The following FERRY3 variants were observed in gnomAD, a reference collection of about 807,000 sequenced individuals.
FERRY3 encodes protein C12orf4.
At chr12:4,504,343 T>C in the FERRY3 span, among the ~76,000 whole-genome samples, 3 of 152,174 alleles carry the variant, frequency 2.0e-5, no homozygotes, top group African/African-American at 7.2e-5. Flanking sequence ...AAATGTACCA[T>C]TTAGTTAAAA....
At chr12:4,534,058 A>G in the FERRY3 span, 1 of 1,300,514 alleles carries the variant, frequency 7.7e-7, no homozygotes, top group South Asian at 1.5e-5. Flanking sequence ...TGTGGAGAAA[A>G]AGGATCTTAT....
chr12:4,529,753 T>C, the FERRY3 span: 1 of 848,628 alleles, frequency 1.2e-6, no homozygotes, highest in Non-Finnish European at 1.7e-6. Context: ...ATTTCTAATA[T>C]TGAAGTTTTT....
the FERRY3 span, chr12:4,489,727 G>T: frequency 2.0e-6 from 2 of 1,022,398 alleles, no homozygotes; most frequent in Non-Finnish European, 2.9e-6. Context: ...GGCATCTTTT[G>T]CTTGACAGAT....
At chr12:4,502,512 C>T in the FERRY3 span, 1 of 414,000 alleles carries the variant, frequency 2.4e-6, no homozygotes, top group Non-Finnish European at 4.7e-6. This position sits in a 1 kb window ranked among gnomAD's most constrained non-coding sequence, Gnocchi z 4.2. Context: ...AAATAGAAAA[C>T]ATAGAAAGGA....
At chr12:4,517,036 T>C in the FERRY3 span, 3 of 1,501,442 alleles carry the variant, frequency 2.0e-6, no homozygotes, top group South Asian at 4.4e-5. Flanking sequence ...ATAGACAGAA[T>C]ATAATAAAAG....
the FERRY3 span, among the ~76,000 whole-genome samples, chr12:4,519,564 C>T: frequency 1.3e-5 from 2 of 152,272 alleles, no homozygotes; most frequent in East Asian, 3.9e-4. The surrounding 1 kb of genome is among the most constrained non-coding windows in gnomAD (Gnocchi z 4.3). Flanking sequence ...ATTTTTGGGG[C>T]TAATCCCAAC....
At chr12:4,509,262 C>G in the FERRY3 span, 57 of 158,788 alleles carry the variant, frequency 3.6e-4, no homozygotes, top group South Asian at 9.3e-3. Context: ...CACGGAGTCT[C>G]GCTGATTGCT....
chr12:4,536,676 A>G, the FERRY3 span, among the ~76,000 whole-genome samples: 262 of 152,308 alleles, frequency 1.7e-3, 1 homozygote, highest in South Asian at 3.7e-3. Flanking sequence ...GAAGGGGAGT[A>G]AGAAAGTGTT....
chr12:4,497,964 G>A, the FERRY3 span, among the ~76,000 whole-genome samples: 1 of 152,204 alleles, frequency 6.6e-6, no homozygotes, highest in Middle Eastern at 3.2e-3. Flanking sequence ...ATCCTGTGTA[G>A]TGTTGTCTGA....
the FERRY3 span, chr12:4,517,088 G>A: frequency 2.0e-5 from 31 of 1,568,368 alleles, no homozygotes; most frequent in African/African-American, 2.5e-4. Flanking sequence ...TTACTCCTGC[G>A]CTGGGTTCTA....
chr12:4,532,689 T>C, the FERRY3 span, among the ~76,000 whole-genome samples: 4 of 152,296 alleles, frequency 2.6e-5, no homozygotes, highest in East Asian at 7.7e-4. Flanking sequence ...CATCAGGACC[T>C]CCACTTCATA....
chr12:4,518,914 G>A, the FERRY3 span: 684 of 1,379,840 alleles, frequency 5.0e-4, 4 homozygotes, highest in East Asian at 0.011. Context: ...ATACTTTTAT[G>A]TTTGTCAAAA....
the FERRY3 span, chr12:4,534,327 T>A: frequency 6.4e-7 from 1 of 1,570,392 alleles, no homozygotes; most frequent in Non-Finnish European, 8.6e-7. Flanking sequence ...TCAAACACCA[T>A]CGTCAGCAAA....
chr12:4,522,795 T>C, the FERRY3 span, among the ~76,000 whole-genome samples: 5 of 152,180 alleles, frequency 3.3e-5, no homozygotes, highest in Admixed American at 3.3e-4. Context: ...ACTGAGTAAA[T>C]GGATAAACAA....
the FERRY3 span, among the ~76,000 whole-genome samples, chr12:4,515,095 GAATAA>G: frequency 2.0e-5 from 3 of 151,354 alleles, no homozygotes; most frequent in Admixed American, 1.3e-4. Context: ...AATAAATAAA[GAATAA>G]AATAAACTTT....
the FERRY3 span, chr12:4,518,034 T>A: frequency 6.3e-7 from 1 of 1,581,122 alleles, no homozygotes. Flanking sequence ...TTTAACAAAA[T>A]AAATGTGTAT....
the FERRY3 span, chr12:4,491,131 GGGAGGAAATACAGGTGGT>G: frequency 6.4e-7 from 1 of 1,573,146 alleles, no homozygotes; most frequent in Non-Finnish European, 8.7e-7. Context: ...TTCAATGTTT[GGGAGGAAATACAGGTGGT>G]GGTTGTCAGA....
chr12:4,514,442 C>A, the FERRY3 span, among the ~76,000 whole-genome samples: 3 of 152,114 alleles, frequency 2.0e-5, no homozygotes, highest in Admixed American at 2.0e-4. Context: ...AAGACACATG[C>A]ACACGTATGT....
the FERRY3 span, among the ~76,000 whole-genome samples, chr12:4,493,734 G>C: frequency 6.6e-6 from 1 of 152,158 alleles, no homozygotes; most frequent in Admixed American, 6.5e-5. Flanking sequence ...ACAAGTGTTT[G>C]GTTTTTTTGT....
Sources: gnomAD v4.1 joint callset for allele counts (sites outside exome capture counted in the v4.1 genomes callset) on GRCh38, gnomAD v4.1.1 for gene constraint, Gnocchi (gnomAD v3.1) non-coding constraint, MANE v1.5 for transcripts, NCBI Gene and HGNC (gene_info 2026-07-23, HGNC 2026-07-21) for gene names.